TASP1: variants seen among roughly 807,000 people sequenced by gnomAD.
TASP1 encodes taspase 1, also known as threonine aspartase 1.
TASP1 carries 16 observed loss-of-function variants against 56.6 expected under a neutral mutation model. That is an observed-to-expected ratio of 0.28 (90% CI 0.19 to 0.43). The LOEUF (loss-of-function observed/expected upper bound fraction) is 0.43, where lower values mean the gene tolerates loss of function less well. Ranked by LOEUF, TASP1 falls within the 20% of genes least tolerant of loss-of-function variation. TASP1 has a pLI of 1.00. For missense variants in TASP1, 393 were observed against 511.6 expected (o/e 0.77, Z 2.24); for synonymous variants, 179 against 184.2 (o/e 0.97, Z 0.23).
the TASP1 span, among the ~76,000 whole-genome samples, chr20:13,179,183 G>A: frequency 6.6e-6 from 1 of 152,142 alleles, no homozygotes; most frequent in Non-Finnish European, 1.5e-5. Flanking sequence ...TGGAAATAAT[G>A]TAACCACTTA....
intron 12 of TASP1, among the ~76,000 whole-genome samples, chr20:13,423,113 A>C (rs2042502498): frequency 6.6e-6 from 1 of 152,222 alleles, no homozygotes. Context: ...ACTGGAAACC[A>C]ATTAATTGCC....
At chr20:13,292,169 C>T in the TASP1 span, among the ~76,000 whole-genome samples, 162 of 152,296 alleles carry the variant, frequency 1.1e-3, 6 homozygotes, top group South Asian at 0.02. Context: ...TCTGATTTCA[C>T]GTTGCCAATG....
chr20:13,190,266 G>A, the TASP1 span, among the ~76,000 whole-genome samples: 1 of 152,076 alleles, frequency 6.6e-6, no homozygotes, highest in Admixed American at 6.5e-5. Context: ...AAACCTGCAT[G>A]TGTATCCCTT....
chr20:13,535,921 T>C (rs1709955710), intron 8 of TASP1, among the ~76,000 whole-genome samples: 1 of 152,226 alleles, frequency 6.6e-6, no homozygotes, highest in South Asian at 2.1e-4. Context: ...TCTTCTCTGG[T>C]AGGTAAGATT....
At chr20:13,418,747 T>A (rs1281864326) in intron 12 of TASP1, among the ~76,000 whole-genome samples, 1 of 152,206 alleles carries the variant, frequency 6.6e-6, no homozygotes, top group Non-Finnish European at 1.5e-5. Flanking sequence ...ACACCACCAA[T>A]TAAGGCACAA....
intron 4 of TASP1, among the ~76,000 whole-genome samples, chr20:13,596,371 TAAA>T (rs35818842): frequency 1.4e-5 from 2 of 138,686 alleles, no homozygotes; most frequent in South Asian, 2.3e-4. Context: ...GTGAAACTCG[TAAA>T]AAAAAAAAAA....
the TASP1 span, among the ~76,000 whole-genome samples, chr20:13,321,070 G>A: frequency 4.6e-5 from 7 of 151,714 alleles, no homozygotes; most frequent in Admixed American, 1.3e-4. Context: ...ATGGTGGTAC[G>A]TGCCTGTAAT....
At chr20:13,138,292 A>G in the TASP1 span, among the ~76,000 whole-genome samples, 1 of 152,126 alleles carries the variant, frequency 6.6e-6, no homozygotes, top group African/African-American at 2.4e-5. Context: ...CATCTCCTCA[A>G]CTATTCTGCA....
chr20:13,380,922 TC>T, the TASP1 span, among the ~76,000 whole-genome samples: 49 of 152,076 alleles, frequency 3.2e-4, no homozygotes, highest in Admixed American at 2.7e-3. Context: ...CGGACGCCCC[TC>T]CCCCCTCCAA....
chr20:13,126,559 C>T, the TASP1 span: 5 of 1,610,566 alleles, frequency 3.1e-6, no homozygotes, highest in African/African-American at 1.3e-5. Context: ...GATTTATTTG[C>T]CTTCTTTTTG....
intron 10 of TASP1, among the ~76,000 whole-genome samples, chr20:13,499,473 A>AAG (rs939548487): frequency 6.6e-6 from 1 of 151,610 alleles, no homozygotes. Flanking sequence ...TAAAAAAAAA[A>AAG]AAAGAAAGAA....
At chr20:13,246,239 C>G in the TASP1 span, among the ~76,000 whole-genome samples, 1 of 148,864 alleles carries the variant, frequency 6.7e-6, no homozygotes, top group African/African-American at 2.5e-5. Context: ...TGCCACTGCA[C>G]TTTAGCCTGG....
chr20:13,317,775 T>G, the TASP1 span, among the ~76,000 whole-genome samples: 1 of 152,114 alleles, frequency 6.6e-6, no homozygotes, highest in Non-Finnish European at 1.5e-5. Flanking sequence ...CTTTATACCC[T>G]TCACAAAAAT....
chr20:13,328,491 G>A, the TASP1 span, among the ~76,000 whole-genome samples: 1 of 152,054 alleles, frequency 6.6e-6, no homozygotes, highest in African/African-American at 2.4e-5. Context: ...ATTTTATTAT[G>A]AAGACACATG....
chr20:13,431,741 T>C (rs543841486), intron 12 of TASP1, among the ~76,000 whole-genome samples: 37 of 152,290 alleles, frequency 2.4e-4, no homozygotes, highest in African/African-American at 8.2e-4. Flanking sequence ...GAAGAGGTGA[T>C]TAGGTCTTAA....
intron 11 of TASP1, among the ~76,000 whole-genome samples, chr20:13,453,586 G>A (rs1263700395): frequency 6.6e-6 from 1 of 152,080 alleles, no homozygotes; most frequent in African/African-American, 2.4e-5. Context: ...CTGAAAGGGA[G>A]GGAGATCATA....
intron 13 of TASP1, among the ~76,000 whole-genome samples, chr20:13,414,920 T>C (rs1470065027): frequency 6.6e-6 from 1 of 152,112 alleles, no homozygotes; most frequent in African/African-American, 2.4e-5. Context: ...TTCTACGCAA[T>C]ATGATTTTTA....
intron 4 of TASP1, among the ~76,000 whole-genome samples, chr20:13,604,987 C>CATATATAT (rs3042652): frequency 2.2e-3 from 313 of 140,484 alleles, no homozygotes; most frequent in Admixed American, 3.0e-3. Context: ...AGACATAATA[C>CATATATAT]ATATATATAT....
intron 8 of TASP1, among the ~76,000 whole-genome samples, chr20:13,543,444 T>C (rs565125196): frequency 6.6e-6 from 1 of 152,064 alleles, no homozygotes; most frequent in African/African-American, 2.4e-5. Context: ...ACTAAAAATA[T>C]TTTAAAAAAT....
Sources: allele counts gnomAD v4.1 joint callset (sites outside exome capture counted in the v4.1 genomes callset), GRCh38; gene constraint gnomAD v4.1.1; transcripts MANE v1.5; gene names NCBI Gene and HGNC (gene_info 2026-07-23, HGNC 2026-07-21).